The following RPRD2 variants were observed in gnomAD, a reference collection of about 807,000 sequenced individuals.
RPRD2 encodes regulation of nuclear pre-mRNA domain-containing protein 2.
In RPRD2, 12 loss-of-function variants were observed where a neutral mutation model predicts 104.4. The ratio of observed to expected loss-of-function variants is 0.11; its 90% CI spans 0.07 to 0.19. RPRD2 has a LOEUF of 0.19. Among genes scored for constraint, RPRD2 ranks in the 10% least tolerant of loss-of-function variants. The pLI is 1.00. For synonymous variants in RPRD2, 714 were observed against 684.9 expected, an observed-to-expected ratio of 1.04 and a Z score of -0.66; for missense variants, 1,543 against 1,790.1, an observed-to-expected ratio of 0.86 and a Z score of 2.49.
rs782018881 is a variant in RPRD2, at chr1:150,402,202, C to T, written c.206-15394C>T. On this transcript the variant is annotated intron_variant, in intron 1 of 10. Coordinates refer to ENST00000369068, the MANE Select transcript of RPRD2 (RefSeq NM_015203.5). ...CTTGAACTCCTGACCTTGTGATCCA[C>T]TGGCCTCGGCCTCTGAAAGTGCTGG... 5.3e-5 allele frequency among the ~76,000 whole-genome samples: 8 copies of T among 152,226 alleles called. 1 individual carries two copies. Among genetic ancestry groups the T allele is most frequent in the African/African-American group, 1.9e-4 (8 of 41,542 alleles).
At chr1:150,412,972 TAAA>T (rs201693128) in intron 1 of RPRD2, among the ~76,000 whole-genome samples, 1 of 149,172 alleles carries the variant, frequency 6.7e-6, no homozygotes, top group African/African-American at 2.5e-5. Flanking sequence ...GATCTTTTCT[TAAA>T]AAAAAAGGAA....
At chr1:150,412,442 A>C (rs1553887854) in intron 1 of RPRD2, among the ~76,000 whole-genome samples, 2 of 152,200 alleles carry the variant, frequency 1.3e-5, no homozygotes, top group Non-Finnish European at 1.5e-5. Context: ...CATGAGTTAA[A>C]TTTAAAATTT....
intron 1 of RPRD2, among the ~76,000 whole-genome samples, chr1:150,368,694 C>T (rs1480782968): frequency 6.6e-6 from 1 of 151,656 alleles, no homozygotes; most frequent in Non-Finnish European, 1.5e-5. Context: ...GAACTCTGGA[C>T]CTCAGGTGAT....
Position 150,364,697 on chromosome 1 carries a change from C to T in RPRD2, c.-18C>T. On this transcript the variant is annotated 5_prime_UTR_variant, in exon 1 of 11. Coordinates refer to ENST00000369068, the MANE Select transcript of RPRD2 (RefSeq NM_015203.5). ...CGCCGCCGCCAGAGGAGCAGCAGCG[C>T]TTGTGCAAACCGGGAAGATGGCGGC... 6.6e-7 allele frequency: 1 copy of T among 1,503,864 alleles called. No individual in the cohort carries two copies. Among genetic ancestry groups the T allele is most frequent in the Non-Finnish European group, 9.1e-7 (1 of 1,104,636 alleles). 93.2% of individuals were successfully genotyped at this position (1,503,864 alleles called of 1,614,324 possible).
At chr1:150,387,522 C>G (rs587734319) in intron 1 of RPRD2, among the ~76,000 whole-genome samples, 1 of 144,270 alleles carries the variant, frequency 6.9e-6, no homozygotes, top group Admixed American at 7.2e-5. Flanking sequence ...TTGCAGGATC[C>G]TTCCACCAGA....
At chr1:150,433,439 ATTTTTTT>A (rs58544799) in intron 2 of RPRD2, among the ~76,000 whole-genome samples, 5 of 90,386 alleles carry the variant, frequency 5.5e-5, no homozygotes, top group South Asian at 7.0e-4. Context: ...CACAGACATA[ATTTTTTT>A]TTTTTTTTTT....
At chr1:150,446,563 G>GC (rs1666785921) in intron 7 of RPRD2, among the ~76,000 whole-genome samples, 162 bp downstream of exon 7, 1 of 152,188 alleles carries the variant, frequency 6.6e-6, no homozygotes, top group African/African-American at 2.4e-5. Flanking sequence ...TGTAATCCCA[G>GC]CACTTTGGGA....
At chr1:150,432,310 T>C (rs1361940178) in intron 2 of RPRD2, among the ~76,000 whole-genome samples, 2 of 152,102 alleles carry the variant, frequency 1.3e-5, no homozygotes, top group African/African-American at 4.8e-5. Flanking sequence ...CTAGAATTGT[T>C]AGGTCCATAG....
chr1:150,465,969 C>T (rs1668236983), intron 10 of RPRD2, among the ~76,000 whole-genome samples: 1 of 145,368 alleles, frequency 6.9e-6, no homozygotes, highest in African/African-American at 2.6e-5. Context: ...GCCGGAATCA[C>T]GCTACTGCAC....
intron 1 of RPRD2, among the ~76,000 whole-genome samples, chr1:150,374,865 C>T (rs1215860803): frequency 6.6e-6 from 1 of 152,158 alleles, no homozygotes; most frequent in Non-Finnish European, 1.5e-5. Context: ...CTCAGCCCCC[C>T]AAAGAAGTAA....
At position 150,464,588 on chromosome 1, in the gene RPRD2, T is replaced by G; in HGVS notation, c.1473T>G (p.Ser491Arg). The G allele has an allele frequency of 6.2e-7, 1 of 1,607,696 alleles. No homozygotes were observed. Among genetic ancestry groups the G allele is most frequent in the Non-Finnish European group, 8.5e-7 (1 of 1,176,954 alleles). Reference sequence around the variant, plus strand: ...CCACCAGCCCCAGCAACCTCACCAGTGGCCTGAAAACACCTGCACCTGCCA... The same window carrying G: ...CCACCAGCCCCAGCAACCTCACCAGGGGCCTGAAAACACCTGCACCTGCCA... ...GTPTSPSNLT[S>R]GLKTPAPATT... The change falls in exon 10 of 11, where the codon AGT becomes AGG. Residue 491 changes from serine to arginine, a missense_variant. By Grantham distance (110) the Ser-to-Arg change is moderately radical. Around this residue, in one of 4 missense-constraint regions of RPRD2, gnomAD observed 572 missense variants for 787.3 expected, o/e 0.73. Coordinates refer to ENST00000369068, the MANE Select transcript of RPRD2 (RefSeq NM_015203.5).
At chr1:150,432,526 T>C (rs1312266030) in intron 2 of RPRD2, among the ~76,000 whole-genome samples, 2 of 151,628 alleles carry the variant, frequency 1.3e-5, no homozygotes, top group Non-Finnish European at 2.9e-5. Flanking sequence ...GTAGTGAGAA[T>C]TGCACAACAT....
intron 1 of RPRD2, among the ~76,000 whole-genome samples, chr1:150,415,455 G>A (rs1251750870): frequency 2.0e-5 from 3 of 152,116 alleles, no homozygotes; most frequent in Non-Finnish European, 4.4e-5. Flanking sequence ...GGCTGAGGCG[G>A]GCAGATTGCT....
intron 1 of RPRD2, among the ~76,000 whole-genome samples, chr1:150,367,945 A>G (rs1045179351): frequency 6.6e-6 from 1 of 152,070 alleles, no homozygotes; most frequent in Admixed American, 6.6e-5. Flanking sequence ...GTGGTCTCGA[A>G]CTCCTGACCT....
chr1:150,435,246 C>T (rs1553892880), intron 2 of RPRD2, among the ~76,000 whole-genome samples: 1 of 152,160 alleles, frequency 6.6e-6, no homozygotes, highest in African/African-American at 2.4e-5. Context: ...TTTCTATCTC[C>T]TGGGACCTCC....
chr1:150,433,364 CCT>C (rs1259285423), intron 2 of RPRD2, among the ~76,000 whole-genome samples: 2 of 148,320 alleles, frequency 1.3e-5, no homozygotes, highest in Admixed American at 6.8e-5. Context: ...ACAGACAGAC[CCT>C]CTCTCTCTCT....
Position 150,394,488 on chromosome 1 carries a change from A to G in RPRD2, c.206-23108A>G, listed in dbSNP as rs587663721. Among the ~76,000 whole-genome samples, 7 of 152,358 alleles carry G rather than the reference A, an allele frequency of 4.6e-5. No homozygotes were observed. The South Asian group carries it at 1.5e-3, about 32-fold the overall frequency. On this transcript the variant is annotated intron_variant, in intron 1 of 10. Transcript: ENST00000369068. The stretch of plus-strand genomic sequence containing the variant: ...GGCAAAAGAGAACTAAATGTTGTAT[A>G]TATAGAGAGATAGAGCTGATGCGGC...
intron 2 of RPRD2, among the ~76,000 whole-genome samples, chr1:150,429,203 C>T (rs188268415): frequency 4.5e-3 from 681 of 151,904 alleles, no homozygotes; most frequent in Admixed American, 6.7e-3. Flanking sequence ...AGCGATTCTC[C>T]TGCCTCAATC....
chr1:150,390,161 C>T, intron 1 of RPRD2, among the ~76,000 whole-genome samples: 1 of 152,092 alleles, frequency 6.6e-6, no homozygotes. Flanking sequence ...TAGAAACAAA[C>T]CCCAAAGACT....
Sources: allele counts gnomAD v4.1 joint callset (sites outside exome capture counted in the v4.1 genomes callset), GRCh38; gene constraint gnomAD v4.1.1; regional missense constraint gnomAD v4.1.1; transcripts MANE v1.5; gene names NCBI Gene and HGNC (gene_info 2026-07-23, HGNC 2026-07-21).